The following ZNRF1 variants were observed in gnomAD, a reference collection of about 807,000 sequenced individuals.
ZNRF1 encodes E3 ubiquitin-protein ligase ZNRF1.
In ZNRF1, 3 loss-of-function variants were observed where a neutral mutation model predicts 18.4. That is an observed-to-expected ratio of 0.16 (90% confidence interval 0.07 to 0.42). ZNRF1 has a LOEUF of 0.42. Among genes scored for constraint, ZNRF1 ranks in the 10% least tolerant of loss-of-function variants. ZNRF1 has a pLI of 0.99. For missense variants in ZNRF1, 310 were observed against 329.8 expected (o/e 0.94, Z 0.47); for synonymous variants, 157 against 144.2 (o/e 1.09, Z -0.64).
chr16:75,026,623 C>T lies in ZNRF1; in HGVS notation c.424+26528C>T, dbSNP rs144067891. 1.2e-3 allele frequency among the ~76,000 whole-genome samples: 187 copies of T among 152,142 alleles called. 2 individuals are homozygous for T. The highest frequency in any genetic ancestry group is 4.2e-3 in the African/African-American group (175 of 41,530). ...AAAAAATATATACAACAAAGTAGAT[C>T]GTAACAGTAGTATGTAATAAGAATA... is the stretch of plus-strand genomic sequence containing the variant. On this transcript the variant is annotated intron_variant, in intron 1 of 4. Coordinates refer to ENST00000335325, the MANE Select transcript of ZNRF1 (RefSeq NM_032268.5).
At chr16:75,050,385 G>A (rs1489137438) in intron 1 of ZNRF1, among the ~76,000 whole-genome samples, 1 of 151,994 alleles carries the variant, frequency 6.6e-6, no homozygotes, top group Non-Finnish European at 1.5e-5. Context: ...AATTAGCTGG[G>A]CGTGGTGGTG....
chr16:75,107,487 T>G (rs376356780), intron 4 of ZNRF1: 2 of 329,730 alleles, frequency 6.1e-6, no homozygotes, highest in South Asian at 4.4e-5. Context: ...TCAGGGACAT[T>G]TGCTCTTTTT....
At chr16:75,054,441 G>T (rs1426127342) in intron 1 of ZNRF1, among the ~76,000 whole-genome samples, 4 of 152,206 alleles carry the variant, frequency 2.6e-5, no homozygotes, top group Non-Finnish European at 5.9e-5. Flanking sequence ...CAAGGGACAA[G>T]CCAGGCACTG....
At chr16:75,034,180 C>G (rs762883632) in intron 1 of ZNRF1, among the ~76,000 whole-genome samples, 14 of 152,086 alleles carry the variant, frequency 9.2e-5, no homozygotes, top group Admixed American at 4.6e-4. Context: ...AAAAATTACC[C>G]TCAGTTATTT....
intron 1 of ZNRF1, among the ~76,000 whole-genome samples, chr16:75,004,539 C>G (rs1202805057): frequency 6.6e-6 from 1 of 152,216 alleles, no homozygotes; most frequent in East Asian, 1.9e-4. Flanking sequence ...TATGCACTTT[C>G]AGAAAGTCTA....
chr16:75,032,929 C>A (rs1006608590), intron 1 of ZNRF1, among the ~76,000 whole-genome samples: 8 of 152,140 alleles, frequency 5.3e-5, no homozygotes, highest in African/African-American at 1.9e-4. Context: ...AGGAGGATCA[C>A]TTGAGCCAAG....
rs2035854377 is a variant in ZNRF1 at position 75,070,275 on chromosome 16, C to A, written c.425-23297C>A. Reference sequence around the variant, plus strand: ...GCCGCCTAGCCCAGGCCGGCCTCTCCATTCACACCACCGATAGCCTGAATG... The same window carrying A: ...GCCGCCTAGCCCAGGCCGGCCTCTCAATTCACACCACCGATAGCCTGAATG... On this transcript the variant is annotated intron_variant, in intron 1 of 4. Transcript: ENST00000335325. 2.6e-5 allele frequency among the ~76,000 whole-genome samples: 4 copies of A among 152,304 alleles called. No individual in the cohort carries two copies. The South Asian group carries it at 8.3e-4, about 32-fold the overall frequency.
intron 1 of ZNRF1, among the ~76,000 whole-genome samples, chr16:75,050,545 G>A (rs924681960): frequency 1.3e-5 from 2 of 150,330 alleles, no homozygotes; most frequent in African/African-American, 2.4e-5. Context: ...TCAATCGATC[G>A]TGTGTTCCTG....
chr16:75,010,731 T>TTTTTTG (rs1378239867), intron 1 of ZNRF1, among the ~76,000 whole-genome samples: 1 of 146,774 alleles, frequency 6.8e-6, no homozygotes, highest in Non-Finnish European at 1.5e-5. Flanking sequence ...TTTTTTTTTT[T>TTTTTTG]TGAGGAGTCT....
chr16:75,054,644 T>C (rs1450924581), intron 1 of ZNRF1, among the ~76,000 whole-genome samples: 1 of 152,250 alleles, frequency 6.6e-6, no homozygotes, highest in African/African-American at 2.4e-5. Context: ...AATTTAATAA[T>C]TTAGCAATCA....
chr16:75,030,705 A>G (rs1245760819), intron 1 of ZNRF1, among the ~76,000 whole-genome samples: 1 of 152,094 alleles, frequency 6.6e-6, no homozygotes, highest in Admixed American at 6.6e-5. Flanking sequence ...GCCTATGTAA[A>G]CTTGCCTATT....
At chr16:75,015,505 G>A (rs1023788577) in intron 1 of ZNRF1, among the ~76,000 whole-genome samples, 1 of 152,222 alleles carries the variant, frequency 6.6e-6, no homozygotes, top group Non-Finnish European at 1.5e-5. Flanking sequence ...AACCTGGGAG[G>A]TGGAGGTCGT....
chr16:75,089,127 G>T (rs1371619573), intron 1 of ZNRF1, among the ~76,000 whole-genome samples: 2 of 152,122 alleles, frequency 1.3e-5, no homozygotes, highest in Non-Finnish European at 2.9e-5. Flanking sequence ...TGTTTAGACA[G>T]GGTCTCACTC....
Position 75,108,594 on chromosome 16 carries a change from A to G in ZNRF1, c.*894A>G, listed in dbSNP as rs2036343985. ...GCAAGATAGGTTTCTGTATTTATAT[A>G]TTAAAATACAAAAAAAAACTTATAA... On this transcript the variant is annotated 3_prime_UTR_variant, in exon 5 of 5. Coordinates refer to ENST00000335325, the MANE Select transcript of ZNRF1 (RefSeq NM_032268.5). The G allele has an allele frequency of 2.5e-6, 1 of 398,760 alleles. No homozygotes were observed. Among genetic ancestry groups the G allele is most frequent in the African/African-American group, 2.1e-5 (1 of 48,644 alleles). The allele number at this position is 398,760 out of a possible 1,614,324, so 24.7% of individuals were successfully genotyped here.
intron 1 of ZNRF1, among the ~76,000 whole-genome samples, chr16:75,071,528 G>A (rs893796892): frequency 6.6e-6 from 1 of 152,306 alleles, no homozygotes; most frequent in Middle Eastern, 3.4e-3. Context: ...AAGCTTCCAA[G>A]GGTGAGGGTC....
intron 1 of ZNRF1, among the ~76,000 whole-genome samples, chr16:75,006,670 G>A (rs1308263317): frequency 6.6e-6 from 1 of 151,972 alleles, no homozygotes; most frequent in African/African-American, 2.4e-5. Flanking sequence ...TCCTGACCTC[G>A]GGTGATCCAC....
At chr16:75,006,999 G>A (rs2145318085) in intron 1 of ZNRF1, among the ~76,000 whole-genome samples, 1 of 151,924 alleles carries the variant, frequency 6.6e-6, no homozygotes, top group Non-Finnish European at 1.5e-5. Context: ...GTGGGTATGA[G>A]TGAATAACCT....
intron 1 of ZNRF1, among the ~76,000 whole-genome samples, chr16:75,067,655 A>G (rs534459214): frequency 2.6e-4 from 39 of 152,362 alleles, no homozygotes; most frequent in African/African-American, 8.9e-4. Context: ...AAAGACCCAT[A>G]TACATACGGG....
intron 1 of ZNRF1, chr16:75,084,335 C>G (rs1374337041): frequency 6.6e-6 from 1 of 152,158 alleles, no homozygotes; most frequent in South Asian, 2.1e-4. Context: ...AAGAAAATTT[C>G]TCTAAAGAAG....
Sources: allele counts gnomAD v4.1 joint callset (sites outside exome capture counted in the v4.1 genomes callset), GRCh38; gene constraint gnomAD v4.1.1; transcripts MANE v1.5; gene names NCBI Gene and HGNC (gene_info 2026-07-23, HGNC 2026-07-21).